The following ASCC1 variants were observed in gnomAD, a reference collection of about 807,000 sequenced individuals.
ASCC1 encodes activating signal cointegrator 1 complex subunit 1.
ASCC1 carries 35 observed loss-of-function variants against 46.6 expected under a neutral mutation model. That is an observed-to-expected ratio of 0.75 (90% CI 0.57 to 0.99). The LOEUF is 0.99. ASCC1 is among the 50% of genes least tolerant of loss of function. The pLI is 0.00. For missense variants in ASCC1, 376 were observed against 428.7 expected (o/e 0.88, Z 1.09); for synonymous variants, 143 against 146.6 (o/e 0.98, Z 0.18).
intron 9 of ASCC1, among the ~76,000 whole-genome samples, chr10:72,099,356 T>G (rs1195532176): frequency 1.3e-5 from 2 of 152,136 alleles, no homozygotes; most frequent in African/African-American, 2.4e-5. Context: ...TTGAGAGAGA[T>G]AACTAAACAT....
chr10:72,107,558 T>C (rs990142503), intron 9 of ASCC1, among the ~76,000 whole-genome samples: 7 of 152,208 alleles, frequency 4.6e-5, no homozygotes, highest in African/African-American at 1.7e-4. Flanking sequence ...CCAAGTGGAT[T>C]CTTTCTAAAC....
intron 5 of ASCC1, among the ~76,000 whole-genome samples, chr10:72,172,818 A>T (rs1409860036): frequency 1.5e-5 from 2 of 131,138 alleles, no homozygotes; most frequent in Non-Finnish European, 1.6e-5. Context: ...TATTATATAT[A>T]ATATATATTT....
In ASCC1 at chr10:72,096,234, G is replaced by A; in HGVS notation, c.*1100C>T. The A allele has an allele frequency of 2.2e-6, 1 of 454,150 alleles. No individual in the cohort carries two copies. Among genetic ancestry groups the A allele is most frequent in the Non-Finnish European group, 4.4e-6 (1 of 226,800 alleles). 28.1% of individuals were successfully genotyped at this position (454,150 alleles called of 1,614,324 possible). On this transcript the variant is annotated 3_prime_UTR_variant, in exon 10 of 10. Transcript: ENST00000672957. ...GGGAGGAAGAATGTGAGGAGGCAGG[G>A]GTGGGAGGCTGGGGCTCCCCAGCAT...
intron 5 of ASCC1, among the ~76,000 whole-genome samples, 178 bp from the exon 6 acceptor site, chr10:72,161,852 C>T (rs1412063510): frequency 6.6e-6 from 1 of 152,072 alleles, no homozygotes; most frequent in East Asian, 1.9e-4. Context: ...AATAGAATAC[C>T]CACATGCAAA....
chr10:72,217,071 T>C (rs1859482543), upstream of ASCC1: 3 of 453,966 alleles, frequency 6.6e-6, no homozygotes, highest in South Asian at 3.1e-5. Context: ...TCCGAAATGC[T>C]CGGGACTGGA....
intron 3 of ASCC1, among the ~76,000 whole-genome samples, chr10:72,206,473 T>A (rs1857234172): frequency 6.6e-6 from 1 of 152,146 alleles, no homozygotes; most frequent in Non-Finnish European, 1.5e-5. Context: ...AAGGTTGTCG[T>A]AAGGATTAAA....
intron 3 of ASCC1, among the ~76,000 whole-genome samples, chr10:72,205,594 C>T (rs1173376010): frequency 2.0e-5 from 3 of 149,052 alleles, no homozygotes; most frequent in Admixed American, 1.4e-4. Flanking sequence ...CACACCACTG[C>T]ACTCCAGCCT....
chr10:72,115,347 G>A (rs912425755), intron 9 of ASCC1, among the ~76,000 whole-genome samples: 1 of 152,142 alleles, frequency 6.6e-6, no homozygotes, highest in African/African-American at 2.4e-5. Flanking sequence ...GGAGAGGGGG[G>A]TAGCTGAGAG....
At position 72,203,518 on chromosome 10, in the gene ASCC1, T is replaced by TTTATGTTACAGGC; in HGVS notation, c.218_219insGCCTGTAACATAA (p.Ile73MetfsTer5). 6.3e-7 allele frequency: 1 copy of TTTATGTTACAGGC among 1,599,106 alleles called. No homozygotes were observed. The highest frequency in any genetic ancestry group is 8.6e-7 in the Non-Finnish European group (1 of 1,166,916). ...TCCTAGTGTCCCCTCTCTTTCCAAC[T>TTTATGTTACAGGC]ATATGCCTGTAACATAAAGTAATTA... On this transcript the variant is annotated stop_gained and frameshift_variant, in exon 4 of 10. Coordinates refer to ENST00000672957, the MANE Select transcript of ASCC1 (RefSeq NM_001198800.3). LOFTEE classifies it high-confidence loss of function.
chr10:72,174,160 T>C (rs1851581615), intron 5 of ASCC1, among the ~76,000 whole-genome samples: 1 of 152,236 alleles, frequency 6.6e-6, no homozygotes, highest in African/African-American at 2.4e-5. Flanking sequence ...TTCAAGGTCA[T>C]GTCCTGACTC....
At chr10:72,150,083 G>C (rs989195833) in intron 7 of ASCC1, among the ~76,000 whole-genome samples, 1 of 151,994 alleles carries the variant, frequency 6.6e-6, no homozygotes, top group East Asian at 1.9e-4. Flanking sequence ...TACTCGAGAG[G>C]CTGAGACAGG....
At chr10:72,158,450 T>C (rs1028880829) in intron 6 of ASCC1, among the ~76,000 whole-genome samples, 7 of 152,224 alleles carry the variant, frequency 4.6e-5, no homozygotes. Flanking sequence ...GCACGGTCTG[T>C]GTCCTACATC....
intron 3 of ASCC1, among the ~76,000 whole-genome samples, chr10:72,210,302 G>T (rs1366894020): frequency 6.6e-6 from 1 of 151,964 alleles, no homozygotes; most frequent in East Asian, 1.9e-4. Flanking sequence ...TGGGATTACA[G>T]ATGCCTGCCA....
At chr10:72,215,662 C>T (rs1239753105) in intron 1 of ASCC1, 2 of 152,212 alleles carry the variant, frequency 1.3e-5, no homozygotes, top group Non-Finnish European at 2.9e-5. Flanking sequence ...GGCCCTCAGA[C>T]CACGAGCTCC....
intron 5 of ASCC1, among the ~76,000 whole-genome samples, chr10:72,180,516 C>T (rs768517832): frequency 1.3e-5 from 2 of 151,920 alleles, no homozygotes; most frequent in Non-Finnish European, 2.9e-5. Context: ...ATCCCAGCTA[C>T]TCAGGTGGCT....
intron 7 of ASCC1, among the ~76,000 whole-genome samples, chr10:72,144,151 A>G (rs977149981): frequency 3.3e-5 from 5 of 151,768 alleles, no homozygotes; most frequent in Non-Finnish European, 7.4e-5. Flanking sequence ...TAATTTTTGT[A>G]TTTTTAGTAG....
intron 9 of ASCC1, among the ~76,000 whole-genome samples, chr10:72,100,366 C>T (rs546446958): frequency 6.6e-6 from 1 of 152,102 alleles, no homozygotes; most frequent in African/African-American, 2.4e-5. Flanking sequence ...GCTGGGATTA[C>T]AGGCATACAC....
chr10:72,114,408 G>A (rs970081537), intron 9 of ASCC1, among the ~76,000 whole-genome samples: 3 of 152,106 alleles, frequency 2.0e-5, no homozygotes, highest in East Asian at 1.9e-4. Context: ...GGCGGATCAC[G>A]AGGTCAGGAG....
intron 5 of ASCC1, among the ~76,000 whole-genome samples, chr10:72,187,943 A>T (rs1005586674): frequency 9.9e-5 from 15 of 151,432 alleles, no homozygotes; most frequent in African/African-American, 2.9e-4. Flanking sequence ...ACAGAGTGAG[A>T]GTCTGTCTCA....
Sources: gnomAD v4.1 joint callset for allele counts (sites outside exome capture counted in the v4.1 genomes callset) on GRCh38, gnomAD v4.1.1 for gene constraint, MANE v1.5 for transcripts, NCBI Gene and HGNC (gene_info 2026-07-23, HGNC 2026-07-21) for gene names.